The following GPR35 variants were observed in gnomAD, a reference collection of about 807,000 sequenced individuals.
GPR35 encodes the protein KYNA receptor.
For synonymous variants in GPR35, 207 were observed against 198.4 expected (o/e 1.04, Z -0.36); for missense variants, 372 against 422.5 (o/e 0.88, Z 1.05).
At position 240,612,869 on chromosome 2, in the gene GPR35, C is replaced by T. The variant is rs143872673; in HGVS notation, c.-576-3519C>T. Among the ~76,000 whole-genome samples, 384 of 152,336 alleles carry T rather than the reference C, an allele frequency of 2.5e-3. 3 individuals are homozygous for T. The highest frequency in any genetic ancestry group is 4.4e-3 in the Non-Finnish European group (302 of 68,028). ...ATCCACATCCCAGCCTGCAGGGCCT[C>T]CTGGTGATGGTTCTCCAGAATTCTG... On this transcript the variant is annotated intron_variant, in intron 2 of 5. Transcript: ENST00000319838.
intron 1 of GPR35, among the ~76,000 whole-genome samples, chr2:240,625,842 G>A (rs1323939139): frequency 5.8e-5 from 8 of 138,014 alleles, no homozygotes; most frequent in South Asian, 2.6e-4. Context: ...TCTCAGAGTG[G>A]GGTGAGGCTG....
At position 240,631,071 on chromosome 2, in the gene GPR35, A is replaced by G. The variant is rs908231623; in HGVS notation, c.*189A>G. 1.6e-6 allele frequency: 1 copy of G among 618,148 alleles called. No homozygotes were observed. Among genetic ancestry groups the G allele is most frequent in the African/African-American group, 1.9e-5 (1 of 53,958 alleles). 38.3% of individuals were successfully genotyped at this position (618,148 alleles called of 1,614,324 possible). A position where few individuals can be genotyped will look rare whatever the true frequency, so the allele number is the denominator to read the frequency against. On this transcript the variant is annotated 3_prime_UTR_variant, in exon 2 of 2. Coordinates refer to ENST00000407714, the MANE Select transcript of GPR35 (RefSeq NM_005301.5). ...CTTGGGAAGAGAGAGGGACAGGGAC[A>G]AGGGCAAGAGGACTGAGGCCAGAGC...
chr2:240,605,863 T>C (rs1166738917), intron 1 of GPR35, among the ~76,000 whole-genome samples: 4 of 152,204 alleles, frequency 2.6e-5, no homozygotes, highest in Non-Finnish European at 1.5e-5. Context: ...TGGGGATAAT[T>C]TGGGGCCTTT....
intron 3 of GPR35, among the ~76,000 whole-genome samples, chr2:240,616,818 G>A (rs2043243931): frequency 6.6e-6 from 1 of 150,890 alleles, no homozygotes; most frequent in Non-Finnish European, 1.5e-5. Context: ...CATCTGTCTT[G>A]GATGCATACT....
upstream of GPR35, among the ~76,000 whole-genome samples, chr2:240,622,078 C>G (rs1180044170): frequency 6.6e-6 from 1 of 151,700 alleles, no homozygotes; most frequent in Non-Finnish European, 1.5e-5. Context: ...TGGGGTCTTG[C>G]TATGTTGCCC....
Position 240,630,926 on chromosome 2 carries a change from G to A in GPR35, c.*44G>A, listed in dbSNP as rs369873945. On this transcript the variant is annotated 3_prime_UTR_variant, in exon 2 of 2. Coordinates refer to ENST00000407714, the MANE Select transcript of GPR35 (RefSeq NM_005301.5). ...TGTGGGCCAGGTCTCGGGGGCTCCGGGAGGTGCTGCCTGCCAGGGGAAGCT... is the reference window on the plus strand; with the variant it reads ...TGTGGGCCAGGTCTCGGGGGCTCCGAGAGGTGCTGCCTGCCAGGGGAAGCT... 4.6e-6 allele frequency: 7 copies of A among 1,525,300 alleles called. No homozygotes were observed. In the African/African-American group the frequency reaches 9.7e-5, roughly 21 times the overall value. The allele number at this position is 1,525,300 out of a possible 1,614,324, so 94.5% of individuals were successfully genotyped here.
intron 4 of GPR35, among the ~76,000 whole-genome samples, chr2:240,617,996 T>A (rs1384848279): frequency 6.6e-6 from 1 of 152,214 alleles, no homozygotes; most frequent in Non-Finnish European, 1.5e-5. Flanking sequence ...GAGACCACAG[T>A]CTGGGTGTTA....
intron 2 of GPR35, among the ~76,000 whole-genome samples, chr2:240,614,841 ATG>A (rs1559434012): frequency 6.6e-6 from 1 of 151,900 alleles, no homozygotes; most frequent in Non-Finnish European, 1.5e-5. Context: ...TGTATGTTGT[ATG>A]TGTATATATC....
chr2:240,632,301 G>GTGC lies in GPR35; in HGVS notation c.*1420_*1422dup, dbSNP rs1420778465. Among the ~76,000 whole-genome samples, 3 of 149,138 alleles carry GTGC rather than the reference G, an allele frequency of 2.0e-5. No individual in the cohort carries two copies. Among genetic ancestry groups the GTGC allele is most frequent in the Non-Finnish European group, 4.5e-5 (3 of 67,140 alleles). On this transcript the variant is annotated 3_prime_UTR_variant, in exon 2 of 2. Transcript: ENST00000407714. ...AGGGCCCCATGCCCGGGAGAGTCAC[G>GTGC]TGCACAGAGGGCCCTGTGCTCAGGA...
At chr2:240,614,170 A>G (rs2043216552) in intron 2 of GPR35, among the ~76,000 whole-genome samples, 2 of 151,778 alleles carry the variant, frequency 1.3e-5, no homozygotes, top group Non-Finnish European at 2.9e-5. Flanking sequence ...CCTAACTCCA[A>G]CCCAAACCCT....
intron 3 of GPR35, chr2:240,616,852 C>T: frequency 1.4e-6 from 1 of 713,328 alleles, no homozygotes; most frequent in South Asian, 1.5e-5. Flanking sequence ...TCTGGGGTAG[C>T]CAGATGCCAT....
chr2:240,607,680 C>T (rs1465344898), intron 2 of GPR35, among the ~76,000 whole-genome samples: 1 of 152,030 alleles, frequency 6.6e-6, no homozygotes, highest in Non-Finnish European at 1.5e-5. Context: ...AATCTTGTAT[C>T]CTGTAACCTT....
At chr2:240,623,329 C>CGCAAACAGGTCGTGAGGGT (rs1559437481), upstream of GPR35, among the ~76,000 whole-genome samples, 2 of 102,538 alleles carry the variant, frequency 2.0e-5, no homozygotes, top group African/African-American at 3.6e-5. Context: ...GTCGTGAGGG[C>CGCAAACAGGTCGTGAGGGT]GCAAACAGGT....
chr2:240,617,903 C>G (rs545881855), intron 4 of GPR35, among the ~76,000 whole-genome samples: 12 of 152,340 alleles, frequency 7.9e-5, no homozygotes, highest in African/African-American at 1.9e-4. Context: ...TCCAGAATTA[C>G]ATTAGACATT....
At chr2:240,619,135 C>G in intron 5 of GPR35, 1 of 612,046 alleles carries the variant, frequency 1.6e-6, no homozygotes, top group South Asian at 1.9e-5. Context: ...TTTGTGCCAC[C>G]TTAGAGATCA....
At chr2:240,625,082 G>A (rs1334128490), upstream of GPR35, among the ~76,000 whole-genome samples, 1 of 152,148 alleles carries the variant, frequency 6.6e-6, no homozygotes, top group African/African-American at 2.4e-5. Flanking sequence ...TTGGGGCTGG[G>A]CATGAGGCGC....
chr2:240,630,487 G>T lies in GPR35; in HGVS notation c.535G>T (p.Gly179Ter). Residue 179 changes from glycine to a stop codon, truncating the protein, a stop_gained, in exon 2 of 2, where the codon GGA becomes TGA. Transcript: ENST00000407714. LOFTEE classifies it low-confidence loss of function (END_TRUNC). ...CAACTCCATGGCGTTCCCGCTGCTG[G>T]GATTCTACCTGCCCCTGGCCGTGGT... ...NFNSMAFPLL[G>*]FYLPLAVVVF... 6.2e-7 allele frequency: 1 copy of T among 1,612,926 alleles called. No homozygotes were observed. The highest frequency in any genetic ancestry group is 8.5e-7 in the Non-Finnish European group (1 of 1,179,964).
At chr2:240,608,844 A>G (rs1161084557) in intron 2 of GPR35, among the ~76,000 whole-genome samples, 1 of 152,200 alleles carries the variant, frequency 6.6e-6, no homozygotes. Flanking sequence ...TTCATCAGTA[A>G]CACCATCTGG....
At chr2:240,621,844 CTG>C (rs1210954999), upstream of GPR35, among the ~76,000 whole-genome samples, 5 of 152,306 alleles carry the variant, frequency 3.3e-5, no homozygotes, top group Middle Eastern at 0.014. Context: ...CTAAGCTAAA[CTG>C]TGCCTAACAT....
Sources: allele counts gnomAD v4.1 joint callset (sites outside exome capture counted in the v4.1 genomes callset), GRCh38; gene constraint gnomAD v4.1.1; transcripts MANE v1.5; gene names NCBI Gene and HGNC (gene_info 2026-07-23, HGNC 2026-07-21).